The following ADAMTSL1 variants were observed in gnomAD, a reference collection of about 807,000 sequenced individuals.
The protein encoded by ADAMTSL1 is ADAMTS-like protein 1.
Under a neutral mutation model 201.8 loss-of-function variants are expected in ADAMTSL1, and 126 were observed. The ratio of observed to expected loss-of-function variants is 0.62; its 90% CI spans 0.54 to 0.72. The LOEUF (loss-of-function observed/expected upper bound fraction) is 0.72. Ranked by LOEUF, ADAMTSL1 falls within the 30% of genes least tolerant of loss-of-function variation. The probability of loss-of-function intolerance (pLI) is 0.00; values close to 1 mark genes in which losing one functional copy is unlikely to be tolerated. For missense variants in ADAMTSL1, 2,679 were observed against 2,277.8 expected, an observed-to-expected ratio of 1.18 and a Z score of -3.59; for synonymous variants, 1,121 against 903.4, an observed-to-expected ratio of 1.24 and a Z score of -4.32.
intron 11 of ADAMTSL1, chr9:18,681,592 A>C: frequency 2.9e-6 from 1 of 342,752 alleles, no homozygotes. Context: ...AAGCTATGGA[A>C]TTGAAAGTGA....
At chr9:18,106,370 C>A (rs568706840) in intron 1 of ADAMTSL1, among the ~76,000 whole-genome samples, 1 of 152,298 alleles carries the variant, frequency 6.6e-6, no homozygotes, top group South Asian at 2.1e-4. Flanking sequence ...AAAGTGAAAA[C>A]CTATCATTTG....
chr9:17,970,279 C>T (rs1205089134), intron 1 of ADAMTSL1, among the ~76,000 whole-genome samples: 2 of 152,020 alleles, frequency 1.3e-5, no homozygotes, highest in Non-Finnish European at 2.9e-5. Context: ...ATCAACAAGT[C>T]CTCAAAACTA....
chr9:17,991,802 A>T (rs1819161947), intron 1 of ADAMTSL1, among the ~76,000 whole-genome samples: 1 of 152,160 alleles, frequency 6.6e-6, no homozygotes, highest in Non-Finnish European at 1.5e-5. Context: ...TTCCTCGATT[A>T]TGCTAGAAGT....
At chr9:18,255,192 G>C (rs1247220104) in intron 2 of ADAMTSL1, among the ~76,000 whole-genome samples, 1 of 152,162 alleles carries the variant, frequency 6.6e-6, no homozygotes, top group Non-Finnish European at 1.5e-5. Context: ...GTCAAGGGAT[G>C]AAAGCTGAAG....
chr9:18,523,544 AG>A (rs1254524084), intron 2 of ADAMTSL1, among the ~76,000 whole-genome samples: 4 of 152,082 alleles, frequency 2.6e-5, no homozygotes, highest in Non-Finnish European at 4.4e-5. Flanking sequence ...GGTATTGCCT[AG>A]GTTTTCTTCT....
At chr9:18,685,616 TAACTCA>T (rs1027844155) in intron 13 of ADAMTSL1, among the ~76,000 whole-genome samples, 5 of 152,244 alleles carry the variant, frequency 3.3e-5, no homozygotes, top group African/African-American at 1.2e-4. Flanking sequence ...GCACTTAAGA[TAACTCA>T]TCCACCCTCC....
chr9:18,287,487 A>G (rs929725941), intron 2 of ADAMTSL1, among the ~76,000 whole-genome samples: 1 of 151,686 alleles, frequency 6.6e-6, no homozygotes, highest in Admixed American at 6.6e-5. Flanking sequence ...TCAGATATGT[A>G]ATGCATGTAT....
chr9:18,891,455 C>T (rs7030876), intron 25 of ADAMTSL1, among the ~76,000 whole-genome samples: 66,740 of 152,034 alleles, frequency 0.44, 15,085 homozygotes, highest in African/African-American at 0.53. Flanking sequence ...TTGAGAATTA[C>T]CACAGGGTGC....
chr9:18,439,415 G>A (rs1267967827), intron 2 of ADAMTSL1, among the ~76,000 whole-genome samples: 2 of 152,178 alleles, frequency 1.3e-5, no homozygotes, highest in Non-Finnish European at 2.9e-5. Flanking sequence ...CGCCCAGGCT[G>A]GAATGCAGTG....
At chr9:18,436,600 C>T (rs2791454) in intron 2 of ADAMTSL1, among the ~76,000 whole-genome samples, 37,538 of 152,010 alleles carry the variant, frequency 0.25, 5,561 homozygotes, top group Non-Finnish European at 0.33. Flanking sequence ...TCCACTGCTC[C>T]TTTAAACTGC....
intron 2 of ADAMTSL1, among the ~76,000 whole-genome samples, chr9:18,348,911 C>T (rs900459242): frequency 3.3e-5 from 5 of 152,142 alleles, no homozygotes; most frequent in South Asian, 4.1e-4. Context: ...ATTTATTGAA[C>T]GTGTATTGCC....
intron 4 of ADAMTSL1, among the ~76,000 whole-genome samples, chr9:18,578,294 A>G (rs187876314): frequency 1.2e-3 from 182 of 152,302 alleles, no homozygotes; most frequent in Middle Eastern, 0.01. Context: ...TTTTCAAACC[A>G]CATTCTCCCC....
chr9:18,076,494 A>C (rs1823231228), intron 1 of ADAMTSL1, among the ~76,000 whole-genome samples: 1 of 152,236 alleles, frequency 6.6e-6, no homozygotes, highest in African/African-American at 2.4e-5. Flanking sequence ...AGTGACAAAA[A>C]TAGTGCCTCC....
chr9:18,436,719 C>G (rs56366948), intron 2 of ADAMTSL1, among the ~76,000 whole-genome samples: 238 of 152,286 alleles, frequency 1.6e-3, no homozygotes, highest in African/African-American at 5.6e-3. Context: ...ATTCCCCCCT[C>G]CTCCTGGAAA....
In ADAMTSL1 at chr9:18,151,964, G is replaced by A. The variant is rs557010260; in HGVS notation, c.88-11898G>A. Among the ~76,000 whole-genome samples the A allele has an allele frequency of 5.9e-5, 9 of 152,162 alleles. No homozygotes were observed. The South Asian group carries it at 1.2e-3, about 21-fold the overall frequency. The stretch of plus-strand genomic sequence containing the variant: ...GTGGAAATACTAATTCGTTTGAGTG[G>A]ACATGCTCTACTAGCTCATACTGTG... On this transcript the variant is annotated intron_variant, in intron 1 of 29. Coordinates refer to the ADAMTSL1 transcript ENST00000680146.
chr9:18,553,985 C>T (rs1440266977), intron 3 of ADAMTSL1, among the ~76,000 whole-genome samples: 2 of 151,732 alleles, frequency 1.3e-5, no homozygotes, highest in Non-Finnish European at 2.9e-5. Context: ...CTATGTAATT[C>T]ACATTTCTTA....
At chr9:18,075,678 A>G (rs975071783) in intron 1 of ADAMTSL1, among the ~76,000 whole-genome samples, 7 of 152,208 alleles carry the variant, frequency 4.6e-5, no homozygotes, top group African/African-American at 1.7e-4. Context: ...ACATCGGAAA[A>G]TGGATTAGGG....
chr9:18,504,563 C>T (rs1823019191), intron 1 of ADAMTSL1, among the ~76,000 whole-genome samples: 1 of 152,154 alleles, frequency 6.6e-6, no homozygotes, highest in South Asian at 2.1e-4. Context: ...AACCCAAATT[C>T]CTGTTTCTGG....
intron 1 of ADAMTSL1, among the ~76,000 whole-genome samples, chr9:18,029,593 C>T (rs996961904): frequency 6.6e-6 from 1 of 151,988 alleles, no homozygotes; most frequent in African/African-American, 2.4e-5. Context: ...AAGAAACTAC[C>T]ATCAGAGTGA....
Sources: allele counts gnomAD v4.1 joint callset (sites outside exome capture counted in the v4.1 genomes callset), GRCh38; gene constraint gnomAD v4.1.1; transcripts MANE v1.5; gene names NCBI Gene and HGNC (gene_info 2026-07-23, HGNC 2026-07-21).